PATJ: variants seen among roughly 807,000 people sequenced by gnomAD.
PATJ encodes the protein PATJ crumbs cell polarity complex component, also known as inaD-like protein.
A neutral mutation model predicts 224.9 loss-of-function variants in PATJ; 190 were observed. The observed-to-expected ratio is 0.84, with a 90% CI of 0.75 to 0.95. The LOEUF (loss-of-function observed/expected upper bound fraction) is 0.95. PATJ is among the 40% of genes least tolerant of loss of function. PATJ has a pLI of 0.00. For missense variants in PATJ, 2,121 were observed against 2,270.3 expected, an observed-to-expected ratio of 0.93 and a Z score of 1.34; for synonymous variants, 769 against 820.3, an observed-to-expected ratio of 0.94 and a Z score of 1.07.
At chr1:61,926,885 G>A (rs956140714) in intron 26 of PATJ, among the ~76,000 whole-genome samples, 1 of 152,130 alleles carries the variant, frequency 6.6e-6, no homozygotes, top group Non-Finnish European at 1.5e-5. Context: ...AAGCATAATT[G>A]AATGTACTTT....
intron 23 of PATJ, among the ~76,000 whole-genome samples, chr1:61,900,125 C>G (rs375333510): frequency 1.3e-5 from 2 of 152,154 alleles, no homozygotes. Context: ...TAAGTACTCA[C>G]CAGTCGCTGT....
chr1:62,147,217 A>G (rs1431356356), intron 41 of PATJ, among the ~76,000 whole-genome samples: 3 of 152,116 alleles, frequency 2.0e-5, no homozygotes, highest in Non-Finnish European at 4.4e-5. Flanking sequence ...GGATGGGATA[A>G]TATGTTTAAT....
chr1:62,121,203 G>A lies in PATJ; in HGVS notation c.4913G>A (p.Ser1638Asn), dbSNP rs1287041203. The change falls in exon 38 of 44, where the codon AGC becomes AAC. Residue 1638 changes from serine (S) to asparagine (N), a missense_variant. Physicochemically the swap from Ser to Asn is conservative, Grantham distance 46. Transcript: ENST00000642238. ...NSQGSQQSAH[S>N]SCHPSFAPVI... is the part of the protein sequence containing the mutation. The stretch of plus-strand genomic sequence containing the variant: ...CAGGGTAGTCAGCAGAGTGCACACA[G>A]CAGCTGTCATCCCTCCTTCGCTCCT... 7 of 1,613,658 alleles carry A rather than the reference G, an allele frequency of 4.3e-6. No homozygotes were observed. The highest frequency in any genetic ancestry group is 5.9e-6 in the Non-Finnish European group (7 of 1,179,754).
chr1:61,973,694 G>A (rs1683277617), intron 27 of PATJ, among the ~76,000 whole-genome samples: 1 of 151,944 alleles, frequency 6.6e-6, no homozygotes, highest in Non-Finnish European at 1.5e-5. Context: ...ACCATAGTGA[G>A]CTTGCAACTC....
chr1:61,796,785 T>A (rs1240437093), intron 10 of PATJ, among the ~76,000 whole-genome samples: 1 of 148,542 alleles, frequency 6.7e-6, no homozygotes, highest in Non-Finnish European at 1.5e-5. Flanking sequence ...CCCCTTTCTT[T>A]CCCCCCTTCC....
intron 27 of PATJ, among the ~76,000 whole-genome samples, chr1:61,941,103 G>A (rs967417370): frequency 6.6e-6 from 1 of 152,150 alleles, no homozygotes; most frequent in Non-Finnish European, 1.5e-5. Context: ...GATGCTGTAG[G>A]GTTGACATTT....
intron 43 of PATJ, among the ~76,000 whole-genome samples, chr1:62,155,363 C>T (rs1255111219): frequency 6.6e-6 from 1 of 152,150 alleles, no homozygotes; most frequent in African/African-American, 2.4e-5. Context: ...TGGGCTGGGA[C>T]CCAGACACCT....
intron 30 of PATJ, among the ~76,000 whole-genome samples, chr1:62,045,939 G>T (rs150408277): frequency 1.6e-3 from 250 of 152,236 alleles, no homozygotes; most frequent in African/African-American, 5.6e-3. Context: ...AGGGGCTCAT[G>T]CCTGTAATCC....
intron 41 of PATJ, among the ~76,000 whole-genome samples, chr1:62,136,909 C>G (rs1666965488): frequency 6.6e-6 from 1 of 152,266 alleles, no homozygotes. Flanking sequence ...GGCTTGGGTC[C>G]TAATAAGTCT....
chr1:62,008,038 G>T (rs953304057), intron 28 of PATJ, among the ~76,000 whole-genome samples: 2 of 152,196 alleles, frequency 1.3e-5, no homozygotes, highest in Non-Finnish European at 2.9e-5. Flanking sequence ...TTTGGGAAAT[G>T]ATGGCTTTTC....
intron 20 of PATJ, among the ~76,000 whole-genome samples, chr1:61,872,290 T>C (rs1666749302): frequency 6.6e-6 from 1 of 152,180 alleles, no homozygotes; most frequent in Non-Finnish European, 1.5e-5. Flanking sequence ...GAATTCTATG[T>C]TCCTTAGGCT....
rs1490577516 is a variant in PATJ at position 61,864,483 on chromosome 1, A to G, written c.2685A>G (p.Gln895=). 6 of 1,614,048 alleles carry G rather than the reference A, an allele frequency of 3.7e-6. No homozygotes were observed. The highest frequency in any genetic ancestry group is 5.1e-6 in the Non-Finnish European group (6 of 1,179,994). ...AGTTGTATCCCTTGTCGCACATTCA[A>G]GAGGCCACTCCTGTGCCCTCTGTGA... ...SMELYPLSHI[Q]EATPVPSVNE... is the part of the protein sequence containing the mutation. The change falls in exon 20 of 44, where the codon CAA becomes CAG. Residue 895 remains glutamine (Q), a synonymous_variant. Transcript: ENST00000642238.
At chr1:62,065,257 A>T (rs530489664) in intron 31 of PATJ, among the ~76,000 whole-genome samples, 1 of 152,302 alleles carries the variant, frequency 6.6e-6, no homozygotes, top group South Asian at 2.1e-4. Flanking sequence ...AGGGTAACAG[A>T]GCAAGTAACC....
chr1:62,043,531 T>C (rs1216697303), intron 30 of PATJ, among the ~76,000 whole-genome samples: 2 of 152,212 alleles, frequency 1.3e-5, no homozygotes, highest in East Asian at 1.9e-4. Flanking sequence ...TCCTGGCACA[T>C]GATAAGACCT....
intron 27 of PATJ, among the ~76,000 whole-genome samples, chr1:61,973,597 G>A (rs780819709): frequency 1.9e-4 from 29 of 151,886 alleles, no homozygotes; most frequent in African/African-American, 6.3e-4. Context: ...GATGTGGTGC[G>A]GAGCTCTTGT....
chr1:61,991,194 G>A (rs1645040147), intron 28 of PATJ, among the ~76,000 whole-genome samples: 1 of 108,100 alleles, frequency 9.3e-6, no homozygotes, highest in Non-Finnish European at 2.4e-5. Flanking sequence ...TGATGATGAT[G>A]ATGATGATGA....
At chr1:61,938,388 AAAAC>A (rs1480964087) in intron 27 of PATJ, among the ~76,000 whole-genome samples, 1 of 152,176 alleles carries the variant, frequency 6.6e-6, no homozygotes, top group African/African-American at 2.4e-5. Flanking sequence ...GTTTAAAAAA[AAAAC>A]AAGAAACAAA....
chr1:61,941,037 T>TA lies in PATJ; in HGVS notation c.3670+13209dup, dbSNP rs1677744402. ...TTATTTTCCCTGGATCAAAGGTGGA[T>TA]ATGCCATAGAAGCAATTGTATATAA... On this transcript the variant is annotated intron_variant, in intron 27 of 43. Coordinates refer to ENST00000642238, the MANE Select transcript of PATJ (RefSeq NM_001350145.3). Among the ~76,000 whole-genome samples the TA allele has an allele frequency of 2.0e-5, 3 of 152,326 alleles. No individual in the cohort carries two copies. The South Asian group carries it at 6.2e-4, about 32-fold the overall frequency.
intron 23 of PATJ, among the ~76,000 whole-genome samples, chr1:61,900,318 G>C (rs539906595): frequency 6.6e-6 from 1 of 152,152 alleles, no homozygotes; most frequent in Non-Finnish European, 1.5e-5. Context: ...TTTTTAATGA[G>C]TTAATTATTG....
Sources: gnomAD v4.1 joint callset for allele counts (sites outside exome capture counted in the v4.1 genomes callset) on GRCh38, gnomAD v4.1.1 for gene constraint, MANE v1.5 for transcripts, NCBI Gene and HGNC (gene_info 2026-07-23, HGNC 2026-07-21) for gene names.